The following NUDCD1 variants were observed in gnomAD, a reference collection of about 807,000 sequenced individuals.
NUDCD1 encodes NudC domain containing 1, also known as nudC domain-containing protein 1.
A neutral mutation model predicts 67.8 loss-of-function variants in NUDCD1; 60 were observed. That is an observed-to-expected ratio of 0.88 (90% CI 0.72 to 1.10). The LOEUF (loss-of-function observed/expected upper bound fraction) is 1.10. NUDCD1 is among the 50% of genes least tolerant of loss of function. The probability of loss-of-function intolerance (pLI) is 0.00; values close to 1 mark genes in which losing one functional copy is unlikely to be tolerated. For missense variants in NUDCD1, 643 were observed against 695.0 expected (o/e 0.93, Z 0.84); for synonymous variants, 244 against 230.8 (o/e 1.06, Z -0.52).
intron 5 of NUDCD1, among the ~76,000 whole-genome samples, chr8:109,286,936 A>G (rs1814587586): frequency 6.6e-6 from 1 of 152,094 alleles, no homozygotes; most frequent in Admixed American, 6.6e-5. Flanking sequence ...AAAACAAATA[A>G]CTCCATTAAA....
At chr8:109,268,793 G>T (rs1814071411) in intron 8 of NUDCD1, among the ~76,000 whole-genome samples, 1 of 152,116 alleles carries the variant, frequency 6.6e-6, no homozygotes, top group Non-Finnish European at 1.5e-5. Flanking sequence ...CCTGCAACTG[G>T]TTCTCTAAAA....
At chr8:109,271,162 T>C in intron 7 of NUDCD1, 32 bp from the exon 8 acceptor site, 1 of 1,416,128 alleles carries the variant, frequency 7.1e-7, no homozygotes, top group Non-Finnish European at 9.7e-7. Flanking sequence ...AGTAAATAAG[T>C]AAAACAAATA....
At chr8:109,275,294 C>A in intron 7 of NUDCD1, 58 bp downstream of exon 7, 3 of 1,507,584 alleles carry the variant, frequency 2.0e-6, no homozygotes, top group Middle Eastern at 1.8e-4. Flanking sequence ...ATGGCATAAT[C>A]TTCACATAAC....
At chr8:109,284,841 G>C (rs1814536799) in intron 5 of NUDCD1, among the ~76,000 whole-genome samples, 1 of 150,618 alleles carries the variant, frequency 6.6e-6, no homozygotes, top group African/African-American at 2.4e-5. Context: ...ATGAAATTGA[G>C]ACCCAAATAT....
chr8:109,292,196 A>G (rs1175639271), intron 4 of NUDCD1, among the ~76,000 whole-genome samples: 1 of 152,170 alleles, frequency 6.6e-6, no homozygotes, highest in Non-Finnish European at 1.5e-5. Flanking sequence ...TTGTCTATGG[A>G]TGCTTTTGTA....
intron 1 of NUDCD1, among the ~76,000 whole-genome samples, chr8:109,325,976 C>T (rs1453346912): frequency 1.3e-5 from 2 of 152,174 alleles, no homozygotes; most frequent in Non-Finnish European, 2.9e-5. Context: ...TATAACACCA[C>T]TTATTTTATA....
chr8:109,290,037 G>T, intron 4 of NUDCD1, 104 bp from the exon 5 acceptor site: 2 of 555,050 alleles, frequency 3.6e-6, no homozygotes, highest in East Asian at 3.6e-5. Flanking sequence ...TAATTTGAAT[G>T]TATTATTAAA....
At chr8:109,269,552 T>C (rs1159985785) in intron 8 of NUDCD1, among the ~76,000 whole-genome samples, 1 of 152,162 alleles carries the variant, frequency 6.6e-6, no homozygotes, top group Non-Finnish European at 1.5e-5. Context: ...ATGACACTTT[T>C]AACTTCGGTT....
chr8:109,272,493 A>C (rs1476642162), intron 7 of NUDCD1, among the ~76,000 whole-genome samples: 4 of 152,174 alleles, frequency 2.6e-5, no homozygotes, highest in Admixed American at 2.6e-4. Flanking sequence ...GCAATTTTTA[A>C]ATGTTCCCTT....
intron 5 of NUDCD1, among the ~76,000 whole-genome samples, chr8:109,282,764 T>C (rs1448166320): frequency 6.6e-6 from 1 of 151,864 alleles, no homozygotes; most frequent in Non-Finnish European, 1.5e-5. Context: ...CAAATCACTA[T>C]GGCACGTGTA....
chr8:109,303,238 T>G (rs1456057474), intron 2 of NUDCD1, among the ~76,000 whole-genome samples: 1 of 152,224 alleles, frequency 6.6e-6, no homozygotes, highest in Non-Finnish European at 1.5e-5. Flanking sequence ...CCCAAGGCTC[T>G]CTGACTGACT....
At position 109,296,609 on chromosome 8, in the gene NUDCD1, C is replaced by T. The variant is rs377553020; in HGVS notation, c.274-40G>A. The T allele has an allele frequency of 5.3e-5, 67 of 1,263,724 alleles. 1 individual carries two copies. The highest frequency in any genetic ancestry group is 3.1e-4 in the East Asian group (13 of 42,222). The allele number at this position is 1,263,724 out of a possible 1,614,324, so 78.3% of individuals were successfully genotyped here. A position where few individuals can be genotyped will look rare whatever the true frequency, so the allele number is the denominator to read the frequency against. On this transcript the variant is annotated intron_variant, in intron 2 of 9. Coordinates refer to ENST00000239690, the MANE Select transcript of NUDCD1 (RefSeq NM_032869.4). ...CATTATACATTAATCTCTTCCTCTT[C>T]ACTGATCCACACACACAAAATAAAT...
chr8:109,316,832 T>C (rs1815410582), intron 2 of NUDCD1, among the ~76,000 whole-genome samples: 1 of 152,184 alleles, frequency 6.6e-6, no homozygotes, highest in South Asian at 2.1e-4. Context: ...ATCAGAATTT[T>C]GGGAAATGGT....
rs1050221122 is a variant in NUDCD1, at chr8:109,296,567, G to A, written c.276C>T (p.Asp92=). 6.3e-7 allele frequency: 1 copy of A among 1,591,880 alleles called. No individual in the cohort carries two copies. The change falls in exon 3 of 10, where the codon GAC becomes GAT. Residue 92 remains aspartate, a splice_region_variant and synonymous_variant. Transcript: ENST00000239690. ...CCTCTCGTGGTTTTCCTAAGGCAGT[G>A]TCCTAAAAAGACCAAACATTATACA... ...GRIMNLTVML[D]TALGKPREVF...
At chr8:109,302,226 C>G (rs1476827342) in intron 2 of NUDCD1, among the ~76,000 whole-genome samples, 6 of 152,188 alleles carry the variant, frequency 3.9e-5, no homozygotes, top group African/African-American at 1.4e-4. Flanking sequence ...TCTAAATAGC[C>G]AGAAAACAGC....
chr8:109,315,737 T>C (rs773053426), intron 2 of NUDCD1: 3 of 152,220 alleles, frequency 2.0e-5, no homozygotes, highest in Non-Finnish European at 4.4e-5. Context: ...TATGCCTTTT[T>C]CTCATGTTAA....
chr8:109,251,168 CT>C (rs1161896743), intron 8 of NUDCD1, among the ~76,000 whole-genome samples: 3,945 of 134,768 alleles, frequency 0.029, 177 homozygotes, highest in African/African-American at 0.096. Context: ...TCATCTATTT[CT>C]TTTTTTTTTT....
chr8:109,253,080 C>G (rs1813657285), intron 8 of NUDCD1, among the ~76,000 whole-genome samples: 1 of 152,174 alleles, frequency 6.6e-6, no homozygotes, highest in Non-Finnish European at 1.5e-5. Flanking sequence ...GGGTTGGCAT[C>G]TAATCCAAAG....
At chr8:109,277,050 C>T (rs1223031911) in intron 6 of NUDCD1, among the ~76,000 whole-genome samples, 1 of 152,140 alleles carries the variant, frequency 6.6e-6, no homozygotes, top group Non-Finnish European at 1.5e-5. Context: ...ATAGCTTATA[C>T]TTACCTATAT....
Sources: gnomAD v4.1 joint callset for allele counts (sites outside exome capture counted in the v4.1 genomes callset) on GRCh38, gnomAD v4.1.1 for gene constraint, MANE v1.5 for transcripts, NCBI Gene and HGNC (gene_info 2026-07-23, HGNC 2026-07-21) for gene names.